Variants in TYW1B observed in about 807,000 individuals in gnomAD.
TYW1B encodes tRNA-yW synthesizing protein 1 homolog B, also known as S-adenosyl-L-methionine-dependent tRNA 4-demethylwyosine synthase TYW1B.
A neutral mutation model predicts 86.9 loss-of-function variants in TYW1B; 73 were observed. That is an observed-to-expected ratio of 0.84 (90% CI 0.70 to 1.02). The LOEUF (loss-of-function observed/expected upper bound fraction) is 1.02, where lower values mean the gene tolerates loss of function less well. TYW1B is among the 50% of genes least tolerant of loss of function. TYW1B has a pLI of 0.00. For missense variants in TYW1B, 637 were observed against 827.4 expected (o/e 0.77, Z 2.82); for synonymous variants, 248 against 292.8 (o/e 0.85, Z 1.56).
At chr7:72,752,960 T>C (rs1407431821) in intron 7 of TYW1B, among the ~76,000 whole-genome samples, 1 of 152,118 alleles carries the variant, frequency 6.6e-6, no homozygotes, top group Non-Finnish European at 1.5e-5. Context: ...AATGCATCAT[T>C]ACATTCAAAA....
intron 13 of TYW1B, among the ~76,000 whole-genome samples, chr7:72,614,294 T>C (rs1812012418): frequency 6.6e-6 from 1 of 152,176 alleles, no homozygotes. Context: ...TGTTTCATCT[T>C]GAACAAGTTA....
chr7:72,610,508 G>C (rs1295350494), intron 13 of TYW1B, among the ~76,000 whole-genome samples: 1 of 151,822 alleles, frequency 6.6e-6, no homozygotes. Context: ...TTAATACTTT[G>C]CCAGGTCTAC....
intron 6 of TYW1B, among the ~76,000 whole-genome samples, chr7:72,792,628 G>C (rs781907623): frequency 6.6e-6 from 1 of 152,052 alleles, no homozygotes; most frequent in South Asian, 2.1e-4. Flanking sequence ...TCAATTTTAG[G>C]AATTTATTCT....
At chr7:72,795,294 T>C (rs1327483080) in intron 6 of TYW1B, among the ~76,000 whole-genome samples, 2 of 151,534 alleles carry the variant, frequency 1.3e-5, no homozygotes, top group Non-Finnish European at 2.9e-5. Context: ...GTCCAGACAA[T>C]GGTCTTTTCT....
chr7:72,743,907 A>C (rs1787349551), intron 8 of TYW1B, among the ~76,000 whole-genome samples: 1 of 151,980 alleles, frequency 6.6e-6, no homozygotes, highest in Non-Finnish European at 1.5e-5. Context: ...CACCACCCCC[A>C]AAAAGAGAGA....
At chr7:72,650,595 A>G (rs1554442650) in intron 11 of TYW1B, among the ~76,000 whole-genome samples, 3 of 152,176 alleles carry the variant, frequency 2.0e-5, no homozygotes, top group Admixed American at 2.0e-4. Context: ...TCATCTCCTG[A>G]GACATCCCCA....
chr7:72,574,943 T>C lies in TYW1B; in HGVS notation c.*555A>G. The C allele has an allele frequency of 1.0e-6, 1 of 986,800 alleles. No individual in the cohort carries two copies. Among genetic ancestry groups the C allele is most frequent in the Non-Finnish European group, 1.2e-6 (1 of 830,846 alleles). The allele number at this position is 986,800 out of a possible 1,614,324, so 61.1% of individuals were successfully genotyped here. A position where few individuals can be genotyped will look rare whatever the true frequency, so the allele number is the denominator to read the frequency against. Reference sequence around the variant, plus strand: ...GGAAGGGTTAGTAATAAACCAAAACTCAATCTATGCAGTATTTAAAAAATA... The same window carrying C: ...GGAAGGGTTAGTAATAAACCAAAACCCAATCTATGCAGTATTTAAAAAATA... On this transcript the variant is annotated 3_prime_UTR_variant, in exon 14 of 14. Coordinates refer to ENST00000620995, the MANE Select transcript of TYW1B (RefSeq NM_001145440.3).
intron 11 of TYW1B, among the ~76,000 whole-genome samples, chr7:72,635,993 C>G (rs1812657674): frequency 6.6e-6 from 1 of 152,202 alleles, no homozygotes; most frequent in Non-Finnish European, 1.5e-5. Flanking sequence ...ACTCAATGGT[C>G]ACATGTAGCT....
intron 7 of TYW1B, among the ~76,000 whole-genome samples, chr7:72,754,892 T>C (rs1787560227): frequency 6.6e-6 from 1 of 152,206 alleles, no homozygotes; most frequent in African/African-American, 2.4e-5. Flanking sequence ...CTCATTATCT[T>C]ATAGTTTGGG....
intron 12 of TYW1B, among the ~76,000 whole-genome samples, chr7:72,617,328 T>C (rs1190947210): frequency 6.6e-6 from 1 of 152,168 alleles, no homozygotes; most frequent in African/African-American, 2.4e-5. Flanking sequence ...TGGCAAACTT[T>C]TTCCTTAAAG....
At chr7:72,759,175 TACAA>T (rs1483889006) in intron 7 of TYW1B, among the ~76,000 whole-genome samples, 1 of 152,132 alleles carries the variant, frequency 6.6e-6, no homozygotes, top group East Asian at 1.9e-4. Context: ...TACCAAAAAA[TACAA>T]ACAATTAGCC....
At chr7:72,661,005 C>G (rs539952910) in intron 11 of TYW1B, among the ~76,000 whole-genome samples, 1 of 148,822 alleles carries the variant, frequency 6.7e-6, no homozygotes, top group Admixed American at 6.8e-5. Flanking sequence ...CGTGGTGGCA[C>G]GCACCTTTAA....
intron 3 of TYW1B, among the ~76,000 whole-genome samples, chr7:72,814,027 A>G (rs1788673961): frequency 1.3e-5 from 2 of 151,814 alleles, no homozygotes; most frequent in Admixed American, 1.3e-4. Context: ...AAAAAAAAAA[A>G]AAGATATTAA....
intron 3 of TYW1B, among the ~76,000 whole-genome samples, chr7:72,813,747 G>A (rs1459364569): frequency 6.6e-6 from 1 of 152,176 alleles, no homozygotes; most frequent in Admixed American, 6.6e-5. Flanking sequence ...AGGCACAGTG[G>A]CTCATGCCTG....
intron 9 of TYW1B, among the ~76,000 whole-genome samples, chr7:72,716,086 C>T (rs1554455909): frequency 2.0e-5 from 3 of 152,094 alleles, no homozygotes; most frequent in African/African-American, 7.2e-5. Flanking sequence ...GGCTGGTGCC[C>T]ACCACCATGC....
rs71517344 is a variant in TYW1B at position 72,601,148 on chromosome 7, TAA to T, written c.1785+15522_1785+15523del. Among the ~76,000 whole-genome samples the T allele has an allele frequency of 6.1e-3, 887 of 145,084 alleles. 11 individuals carry two copies. Among genetic ancestry groups the T allele is most frequent in the African/African-American group, 0.021 (836 of 40,116 alleles). ...AAGAGCGAAACTCTGTCTCAAAATA[TAA>T]AAAAAAAAAATAAAAATAAACCAAC... is the stretch of plus-strand genomic sequence containing the variant. On this transcript the variant is annotated intron_variant, in intron 13 of 13. Coordinates refer to ENST00000620995, the MANE Select transcript of TYW1B (RefSeq NM_001145440.3).
chr7:72,802,959 G>A (rs1687230115), intron 5 of TYW1B, among the ~76,000 whole-genome samples: 1 of 152,118 alleles, frequency 6.6e-6, no homozygotes, highest in Non-Finnish European at 1.5e-5. Flanking sequence ...ATCTAGGCTG[G>A]GCATGGTGGC....
chr7:72,728,738 C>G, intron 9 of TYW1B, 84 bp downstream of exon 9: 1 of 1,374,746 alleles, frequency 7.3e-7, no homozygotes, highest in South Asian at 1.4e-5. Flanking sequence ...GGGACAAAAT[C>G]CTACCAAAGA....
Position 72,588,407 on chromosome 7 carries a change from T to G in TYW1B, c.1786-12688A>C, listed in dbSNP as rs369227232. On this transcript the variant is annotated intron_variant, in intron 13 of 13. Transcript: ENST00000620995. ...CTCTGATGAGGGTGAGTTCCACATG[T>G]ACCACAGTCACTAGGTTTTGCTAAG... 2.6e-5 allele frequency among the ~76,000 whole-genome samples: 4 copies of G among 152,362 alleles called. No individual in the cohort carries two copies. The East Asian group carries it at 7.7e-4, about 29-fold the overall frequency.
Sources: gnomAD v4.1 joint callset for allele counts (sites outside exome capture counted in the v4.1 genomes callset) on GRCh38, gnomAD v4.1.1 for gene constraint, MANE v1.5 for transcripts, NCBI Gene and HGNC (gene_info 2026-07-23, HGNC 2026-07-21) for gene names.